HCN1: variants seen among roughly 807,000 people sequenced by gnomAD.
The protein encoded by HCN1 is potassium/sodium hyperpolarization-activated cyclic nucleotide-gated channel 1.
A neutral mutation model predicts 78.9 loss-of-function variants in HCN1; 13 were observed. The ratio of observed to expected loss-of-function variants is 0.16; its 90% CI spans 0.11 to 0.26. The LOEUF (loss-of-function observed/expected upper bound fraction) is 0.26. Among genes scored for constraint, HCN1 ranks in the 10% least tolerant of loss-of-function variants. The pLI, the probability that HCN1 is intolerant of heterozygous loss-of-function variation, is 1.00. For missense variants in HCN1, 810 were observed against 1,154.3 expected, an observed-to-expected ratio of 0.70 and a Z score of 4.32; for synonymous variants, 552 against 455.5, an observed-to-expected ratio of 1.21 and a Z score of -2.70.
Position 45,262,027 on chromosome 5 carries a change from ACTC to A in HCN1, c.2564_2566del (p.Gly855del). 6.2e-7 allele frequency: 1 copy of A among 1,612,382 alleles called. No individual in the cohort carries two copies. Among genetic ancestry groups the A allele is most frequent in the East Asian group, 2.2e-5 (1 of 44,754 alleles). On this transcript the variant is annotated inframe_deletion, in exon 8 of 8. Transcript: ENST00000303230. ...TGCTGGTGGAGGGGGTGCTGGAGGG[ACTC>A]CTCGGTTCGGGGGGATGGCTCCCGA...
intron 2 of HCN1, among the ~76,000 whole-genome samples, chr5:45,615,911 A>T (rs1200526993): frequency 6.6e-6 from 1 of 151,962 alleles, no homozygotes; most frequent in Non-Finnish European, 1.5e-5. Context: ...CAAAACACCA[A>T]AATTATTTTT....
chr5:45,314,484 A>C (rs1745933365), intron 5 of HCN1, among the ~76,000 whole-genome samples: 1 of 152,192 alleles, frequency 6.6e-6, no homozygotes, highest in South Asian at 2.1e-4. Flanking sequence ...CTAACATCAT[A>C]ATGACAGGAC....
At chr5:45,584,697 C>T (rs1328630716) in intron 2 of HCN1, among the ~76,000 whole-genome samples, 1 of 152,086 alleles carries the variant, frequency 6.6e-6, no homozygotes, top group Non-Finnish European at 1.5e-5. Flanking sequence ...TTAGTGCTTC[C>T]TTCTGGAGCT....
At chr5:45,339,952 C>T (rs1021591138) in intron 5 of HCN1, among the ~76,000 whole-genome samples, 2 of 151,984 alleles carry the variant, frequency 1.3e-5, no homozygotes, top group African/African-American at 4.8e-5. Context: ...GAGTTTTGCT[C>T]TTGTTGCCCA....
At chr5:45,335,535 G>A (rs575548570) in intron 5 of HCN1, among the ~76,000 whole-genome samples, 1 of 152,032 alleles carries the variant, frequency 6.6e-6, no homozygotes, top group Non-Finnish European at 1.5e-5. Flanking sequence ...ATATGATATT[G>A]CTGGGTTTGG....
intron 2 of HCN1, among the ~76,000 whole-genome samples, chr5:45,482,174 G>T (rs183481985): frequency 6.6e-6 from 1 of 152,254 alleles, no homozygotes; most frequent in African/African-American, 2.4e-5. Flanking sequence ...ACAAAGGCTG[G>T]GTGTGAGTTT....
At chr5:45,525,272 C>T (rs553903566) in intron 2 of HCN1, among the ~76,000 whole-genome samples, 15 of 151,888 alleles carry the variant, frequency 9.9e-5, no homozygotes, top group East Asian at 5.8e-4. Flanking sequence ...CACTTAGTAT[C>T]CTAATTTTAA....
intron 2 of HCN1, among the ~76,000 whole-genome samples, chr5:45,599,006 C>T (rs901736935): frequency 3.3e-5 from 5 of 152,258 alleles, no homozygotes; most frequent in East Asian, 3.9e-4. Context: ...CACAGTGTGG[C>T]GGTTCCTCAA....
intron 3 of HCN1, among the ~76,000 whole-genome samples, chr5:45,455,143 T>A (rs982739060): frequency 6.6e-6 from 1 of 152,054 alleles, no homozygotes; most frequent in Non-Finnish European, 1.5e-5. Context: ...GAAAACAGAC[T>A]GTACTCCCTG....
At chr5:45,594,917 C>G (rs1744454212) in intron 2 of HCN1, among the ~76,000 whole-genome samples, 4 of 152,024 alleles carry the variant, frequency 2.6e-5, no homozygotes, top group Admixed American at 2.6e-4. Context: ...GAAATTCTGG[C>G]CTGTGGAGTG....
chr5:45,310,890 A>G (rs539026845), intron 5 of HCN1, among the ~76,000 whole-genome samples: 3 of 152,286 alleles, frequency 2.0e-5, no homozygotes, highest in African/African-American at 4.8e-5. Context: ...GGAGGCTATC[A>G]TCCCTAGCAA....
At chr5:45,412,357 G>A (rs1407183028) in intron 3 of HCN1, among the ~76,000 whole-genome samples, 3 of 152,038 alleles carry the variant, frequency 2.0e-5, no homozygotes, top group Non-Finnish European at 4.4e-5. Flanking sequence ...AAGAAGTGTA[G>A]CATTGTGGTC....
chr5:45,453,049 C>G (rs1740955216), intron 3 of HCN1, among the ~76,000 whole-genome samples: 1 of 151,914 alleles, frequency 6.6e-6, no homozygotes, highest in African/African-American at 2.4e-5. Context: ...ATAGAAAAAG[C>G]AAAGTGTGGA....
At chr5:45,441,769 C>CA (rs1484855591) in intron 3 of HCN1, among the ~76,000 whole-genome samples, 3 of 152,102 alleles carry the variant, frequency 2.0e-5, no homozygotes, top group Admixed American at 2.0e-4. Context: ...GCTATGGATG[C>CA]AGTAAAGCTC....
intron 4 of HCN1, among the ~76,000 whole-genome samples, chr5:45,376,567 G>A (rs1445260637): frequency 6.6e-6 from 1 of 151,302 alleles, no homozygotes; most frequent in African/African-American, 2.4e-5. Context: ...AAATTTAAAG[G>A]ATGATGATAA....
chr5:45,398,443 A>G (rs1296860515), intron 3 of HCN1, among the ~76,000 whole-genome samples: 2 of 152,036 alleles, frequency 1.3e-5, no homozygotes, highest in African/African-American at 4.8e-5. Context: ...TTGTGTGCCT[A>G]TATGTGTGTG....
chr5:45,514,054 G>T (rs942738255), intron 2 of HCN1, among the ~76,000 whole-genome samples: 1 of 152,102 alleles, frequency 6.6e-6, no homozygotes, highest in African/African-American at 2.4e-5. Flanking sequence ...TTATAGGATA[G>T]AAACTATACG....
chr5:45,684,589 G>T (rs553505554), intron 1 of HCN1, among the ~76,000 whole-genome samples: 1 of 152,164 alleles, frequency 6.6e-6, no homozygotes, highest in Non-Finnish European at 1.5e-5. Flanking sequence ...GGCCAGGCAC[G>T]GTGGCTCACG....
At chr5:45,593,368 AC>A (rs1744423929) in intron 2 of HCN1, among the ~76,000 whole-genome samples, 1 of 148,718 alleles carries the variant, frequency 6.7e-6, no homozygotes, top group Non-Finnish European at 1.5e-5. Context: ...ACACACACAC[AC>A]ACCCCACATG....
Sources: gnomAD v4.1 joint callset for allele counts (sites outside exome capture counted in the v4.1 genomes callset) on GRCh38, gnomAD v4.1.1 for gene constraint, MANE v1.5 for transcripts, NCBI Gene and HGNC (gene_info 2026-07-23, HGNC 2026-07-21) for gene names.